The following FLRT1 variants were observed in gnomAD, a reference collection of about 807,000 sequenced individuals.
FLRT1 encodes fibronectin leucine rich transmembrane protein 1.
A neutral mutation model predicts 30.9 loss-of-function variants in FLRT1; 14 were observed. The observed-to-expected ratio is 0.45, with a 90% CI of 0.30 to 0.71. The LOEUF (loss-of-function observed/expected upper bound fraction) is 0.71, where lower values mean the gene tolerates loss of function less well. FLRT1 is among the 30% of genes least tolerant of loss of function. The pLI, the probability that FLRT1 is intolerant of heterozygous loss-of-function variation, is 0.08. For missense variants in FLRT1, 737 were observed against 949.2 expected (o/e 0.78, Z 2.94); for synonymous variants, 368 against 430.4 (o/e 0.85, Z 1.80).
intron 2 of FLRT1, among the ~76,000 whole-genome samples, chr11:64,104,849 G>A (rs1944731177): frequency 6.6e-6 from 1 of 152,186 alleles, no homozygotes; most frequent in Non-Finnish European, 1.5e-5. Context: ...CCCTGCCGCT[G>A]AGGAGGGGCT....
chr11:64,052,163 A>G (rs1272511283), intron 1 of FLRT1, among the ~76,000 whole-genome samples: 2 of 151,948 alleles, frequency 1.3e-5, no homozygotes, highest in African/African-American at 4.8e-5. Context: ...ATGGCTCCCA[A>G]CAAGGCACCC....
intron 1 of FLRT1, among the ~76,000 whole-genome samples, chr11:64,049,338 C>T (rs983607951): frequency 1.3e-5 from 2 of 152,204 alleles, no homozygotes; most frequent in South Asian, 4.1e-4. Context: ...CTACCGATGC[C>T]CAAAGGCTGT....
At chr11:64,104,877 C>T (rs1003466023) in intron 2 of FLRT1, among the ~76,000 whole-genome samples, 10 of 152,190 alleles carry the variant, frequency 6.6e-5, no homozygotes, top group Admixed American at 5.2e-4. Flanking sequence ...CCAGGGATCC[C>T]AGGAGGCCAG....
chr11:64,075,083 AC>A (rs1347141362), intron 1 of FLRT1, among the ~76,000 whole-genome samples: 1 of 152,252 alleles, frequency 6.6e-6, no homozygotes, highest in Non-Finnish European at 1.5e-5. Context: ...CCTGGGCTCC[AC>A]TGTGGCTTCA....
At chr11:64,063,473 G>A (rs1235506442) in intron 1 of FLRT1, among the ~76,000 whole-genome samples, 2 of 152,126 alleles carry the variant, frequency 1.3e-5, no homozygotes, top group Non-Finnish European at 2.9e-5. Context: ...CTTGAAGGAT[G>A]AACAGTTCAT....
At chr11:64,113,444 G>C (rs1944898101) in intron 2 of FLRT1, among the ~76,000 whole-genome samples, 1 of 151,354 alleles carries the variant, frequency 6.6e-6, no homozygotes, top group Non-Finnish European at 1.5e-5. Context: ...ATGGATGGAT[G>C]GATGGACAGG....
intron 1 of FLRT1, among the ~76,000 whole-genome samples, chr11:64,057,810 C>T (rs907850069): frequency 3.9e-5 from 6 of 152,372 alleles, no homozygotes; most frequent in South Asian, 2.1e-4. Flanking sequence ...TGGGCATGTT[C>T]GCGGGTCCAG....
chr11:64,110,838 C>G (rs1251946434), intron 2 of FLRT1, among the ~76,000 whole-genome samples: 2 of 152,154 alleles, frequency 1.3e-5, no homozygotes, highest in African/African-American at 4.8e-5. Context: ...AATAAAAAGG[C>G]AAGCAGGCAC....
chr11:64,106,108 C>A (rs1944758424), intron 2 of FLRT1, among the ~76,000 whole-genome samples: 1 of 152,142 alleles, frequency 6.6e-6, no homozygotes, highest in African/African-American at 2.4e-5. Context: ...CAAGAGTCTC[C>A]CTTTGGGGTC....
chr11:64,074,424 C>T (rs140602030), intron 1 of FLRT1, among the ~76,000 whole-genome samples: 2 of 152,308 alleles, frequency 1.3e-5, no homozygotes, highest in African/African-American at 4.8e-5. Context: ...TGTGGTCCAC[C>T]CACAGGATCC....
intron 1 of FLRT1, among the ~76,000 whole-genome samples, chr11:64,063,069 G>A (rs909780634): frequency 3.3e-5 from 5 of 152,208 alleles, no homozygotes; most frequent in South Asian, 2.1e-4. Flanking sequence ...GGTGACAGTC[G>A]TTCTAGTTTA....
At chr11:64,112,885 G>A (rs1944887922) in intron 2 of FLRT1, among the ~76,000 whole-genome samples, 1 of 152,250 alleles carries the variant, frequency 6.6e-6, no homozygotes, top group South Asian at 2.1e-4. Flanking sequence ...TGAAGGGAAC[G>A]TTTGAGTGTG....
chr11:64,062,526 C>T (rs1247612438), intron 1 of FLRT1, among the ~76,000 whole-genome samples: 1 of 152,246 alleles, frequency 6.6e-6, no homozygotes, highest in Non-Finnish European at 1.5e-5. Context: ...CTCTGGCACC[C>T]AAACAGAGGT....
At position 64,096,925 on chromosome 11, in the gene FLRT1, T is replaced by C. The variant is rs887128112; in HGVS notation, c.-1037-6269T>C. Among the ~76,000 whole-genome samples the C allele has an allele frequency of 1.3e-5, 2 of 152,166 alleles. No homozygotes were observed. Among genetic ancestry groups the C allele is most frequent in the African/African-American group, 4.8e-5 (2 of 41,456 alleles). On this transcript the variant is annotated intron_variant, in intron 1 of 2. Coordinates refer to ENST00000682287, the MANE Select transcript of FLRT1 (RefSeq NM_013280.5). The surrounding 1 kb of genome is among the most constrained non-coding windows in gnomAD (Gnocchi z 4.6). Reference sequence around the variant, plus strand: ...TCCGTGAGCTGGGTGCGAGTGGCCCTTGCTGGTCCCCCGCTCACCCACTCT... The same window carrying C: ...TCCGTGAGCTGGGTGCGAGTGGCCCCTGCTGGTCCCCCGCTCACCCACTCT...
intron 1 of FLRT1, among the ~76,000 whole-genome samples, chr11:64,058,969 C>T (rs1057004048): frequency 6.6e-6 from 1 of 152,204 alleles, no homozygotes; most frequent in Non-Finnish European, 1.5e-5. Context: ...CCATTTCCCC[C>T]TCTGCCCCTA....
intron 2 of FLRT1, among the ~76,000 whole-genome samples, chr11:64,108,016 G>T (rs181908460): frequency 1.3e-5 from 2 of 152,266 alleles, no homozygotes; most frequent in East Asian, 3.9e-4. Context: ...AAAAGCCCAG[G>T]GAAGTAGATC....
At chr11:64,075,863 G>A (rs1045174530) in intron 1 of FLRT1, among the ~76,000 whole-genome samples, 3 of 152,130 alleles carry the variant, frequency 2.0e-5, no homozygotes, top group East Asian at 1.9e-4. Flanking sequence ...TAGTAGAGAC[G>A]GGGTTTCACC....
chr11:64,041,486 A>G (rs576632864), intron 1 of FLRT1, among the ~76,000 whole-genome samples: 272 of 151,092 alleles, frequency 1.8e-3, no homozygotes, highest in African/African-American at 6.1e-3. Flanking sequence ...GGGAGTGAGG[A>G]GGGTGCCCGG....
chr11:64,116,822 C>T lies in FLRT1; in HGVS notation c.555C>T (p.Ser185=). 6.2e-7 allele frequency: 1 copy of T among 1,613,152 alleles called. No individual in the cohort carries two copies. The highest frequency in any genetic ancestry group is 2.2e-5 in the East Asian group (1 of 44,874). Residue 185 remains serine (S), a synonymous_variant, in exon 3 of 3, where the codon AGC becomes AGT. Transcript: ENST00000682287. ...AACAGCTCAAGCTGCTCTTCCTGAGCCGGAACCACCTGAGCAGCATCCCCT... is the reference window on the plus strand; with the variant it reads ...AACAGCTCAAGCTGCTCTTCCTGAGTCGGAACCACCTGAGCAGCATCCCCT... ...DSKQLKLLFL[S]RNHLSSIPSG... is the part of the protein sequence containing the mutation.
Sources: gnomAD v4.1 joint callset for allele counts (sites outside exome capture counted in the v4.1 genomes callset) on GRCh38, gnomAD v4.1.1 for gene constraint, Gnocchi (gnomAD v3.1) non-coding constraint, MANE v1.5 for transcripts, NCBI Gene and HGNC (gene_info 2026-07-23, HGNC 2026-07-21) for gene names.